SACS: variants seen among roughly 807,000 people sequenced by gnomAD.
The protein encoded by SACS is sacsin molecular chaperone, also known as sacsin.
Under a neutral mutation model 348.0 loss-of-function variants are expected in SACS, and 197 were observed. The ratio of observed to expected loss-of-function variants is 0.57; its 90% CI spans 0.50 to 0.64. The LOEUF (loss-of-function observed/expected upper bound fraction) is 0.64. SACS is among the 30% of genes least tolerant of loss of function. SACS has a pLI of 0.00. For missense variants in SACS, 4,999 were observed against 5,360.8 expected, an observed-to-expected ratio of 0.93 and a Z score of 2.11; for synonymous variants, 1,985 against 1,910.6, an observed-to-expected ratio of 1.04 and a Z score of -1.02.
intron 9 of SACS, 70 bp from the exon 10 acceptor site, chr13:23,341,760 T>C: frequency 1.3e-6 from 1 of 776,830 alleles, no homozygotes; most frequent in South Asian, 1.4e-5. Flanking sequence ...TTCTCACAAA[T>C]AACACAGTAC....
At chr13:23,356,806 ACTC>A (rs1870419494) in intron 7 of SACS, among the ~76,000 whole-genome samples, 1 of 152,044 alleles carries the variant, frequency 6.6e-6, no homozygotes, top group Admixed American at 6.6e-5. Context: ...GCAAGATGCA[ACTC>A]CAGTGAAGTC....
chr13:23,331,950 T>C lies in SACS; in HGVS notation c.11926A>G (p.Ser3976Gly). Residue 3976 changes from serine to glycine, a missense_variant, in exon 10 of 10, where the codon AGT becomes GGT. Around this residue, in one of 6 missense-constraint regions of SACS, gnomAD observed 831 missense variants for 941.8 expected, o/e 0.88. Coordinates refer to ENST00000382292, the MANE Select transcript of SACS (RefSeq NM_014363.6). ...TCATCTAATTGTTCTTCAAGTATACTGCTCAATAATCGAGGTCTAAGTTTT... is the reference window on the plus strand; with the variant it reads ...TCATCTAATTGTTCTTCAAGTATACCGCTCAATAATCGAGGTCTAAGTTTT... ...PQKLRPRLLSSILEEQLDEET... is the reference protein window; with the variant it reads ...PQKLRPRLLSGILEEQLDEET... 1 of 1,614,128 alleles carries C rather than the reference T, an allele frequency of 6.2e-7. No individual in the cohort carries two copies. Among genetic ancestry groups the C allele is most frequent in the East Asian group, 2.2e-5 (1 of 44,886 alleles).
At chr13:23,356,061 G>A in intron 7 of SACS, 54 bp from the exon 8 acceptor site, 4 of 1,382,494 alleles carry the variant, frequency 2.9e-6, no homozygotes, top group Non-Finnish European at 4.0e-6. Context: ...GGACAATTAT[G>A]ATTACAATTA....
Position 23,331,187 on chromosome 13 carries a change from C to T in SACS, c.12689G>A (p.Gly4230Asp), listed in dbSNP as rs777108506. 1 of 1,613,586 alleles carries T rather than the reference C, an allele frequency of 6.2e-7. No individual in the cohort carries two copies. Among genetic ancestry groups the T allele is most frequent in the East Asian group, 2.2e-5 (1 of 44,886 alleles). Residue 4230 changes from glycine (G) to aspartate (D), a missense_variant, in exon 10 of 10, where the codon GGT becomes GAT. Coordinates refer to ENST00000382292, the MANE Select transcript of SACS (RefSeq NM_014363.6). Reference protein sequence around the residue: ...FLGKIYQIDIGYSEYKIVSSL... With the variant: ...FLGKIYQIDIDYSEYKIVSSL... ...GCTAACTATTTTATATTCACTATAA[C>T]CAATATCTATCTGATATATCTTTCC... is the stretch of plus-strand genomic sequence containing the variant.
At chr13:23,407,344 G>T (rs1423042663) in intron 2 of SACS, among the ~76,000 whole-genome samples, 1 of 152,078 alleles carries the variant, frequency 6.6e-6, no homozygotes, top group Non-Finnish European at 1.5e-5. Context: ...GACTACAGGC[G>T]CCTGCCACCA....
chr13:23,364,794 TA>T (rs1870962673), intron 6 of SACS, among the ~76,000 whole-genome samples: 1 of 152,216 alleles, frequency 6.6e-6, no homozygotes, highest in Non-Finnish European at 1.5e-5. Flanking sequence ...AGGGTACTCC[TA>T]AAGCGGAAAA....
chr13:23,341,261 A>G lies in SACS; in HGVS notation c.2615T>C (p.Leu872Ser), dbSNP rs780692239. 6.2e-7 allele frequency: 1 copy of G among 1,613,756 alleles called. No individual in the cohort carries two copies. The highest frequency in any genetic ancestry group is 1.1e-5 in the South Asian group (1 of 91,040). ...PLIKKYIHSPLPSAVLQIMEK... is the reference protein window; with the variant it reads ...PLIKKYIHSPSPSAVLQIMEK... ...CATTATCTGCAAAACAGCACTTGGTAATGGTGAATGAATATATTTTTTAAT... is the reference window on the plus strand; with the variant it reads ...CATTATCTGCAAAACAGCACTTGGTGATGGTGAATGAATATATTTTTTAAT... The change falls in exon 10 of 10, where the codon TTA becomes TCA. Residue 872 changes from leucine (L) to serine (S), a missense_variant. Physicochemically the swap from Leu to Ser is moderately radical, Grantham distance 145. Around this residue, in one of 6 missense-constraint regions of SACS, gnomAD observed 3,156 missense variants for 3,380.1 expected, o/e 0.93. Coordinates refer to ENST00000382292, the MANE Select transcript of SACS (RefSeq NM_014363.6).
Position 23,330,908 on chromosome 13 carries a change from G to A in SACS, c.12968C>T (p.Ser4323Leu), listed in dbSNP as rs150225486. The A allele has an allele frequency of 3.3e-5, 54 of 1,613,924 alleles. No homozygotes were observed. The highest frequency in any genetic ancestry group is 3.3e-4 in the Middle Eastern group (2 of 6,062). ...CCGCCTAATAATCTTTTTTCGTTCC[G>A]ATTCTGGAAGCTTCCATGCTTGCTC... is the stretch of plus-strand genomic sequence containing the variant. Reference protein sequence around the residue: ...VVEQAWKLPESERKKIIRRLY... With the variant: ...VVEQAWKLPELERKKIIRRLY... The change falls in exon 10 of 10, where the codon TCG becomes TTG. Residue 4323 changes from serine (S) to leucine (L), a missense_variant. Ser to Leu is a moderately radical substitution (Grantham distance 145). Transcript: ENST00000382292.
At chr13:23,369,317 A>G (rs576553673) in intron 4 of SACS, among the ~76,000 whole-genome samples, 1 of 152,278 alleles carries the variant, frequency 6.6e-6, no homozygotes, top group South Asian at 2.1e-4. Context: ...TCTTAGACCA[A>G]CTGACCAGGT....
In SACS at chr13:23,355,401, C is replaced by A; in HGVS notation, c.1211G>T (p.Ser404Ile). 6.2e-7 allele frequency: 1 copy of A among 1,614,180 alleles called. No homozygotes were observed. Among genetic ancestry groups the A allele is most frequent in the Non-Finnish European group, 8.5e-7 (1 of 1,180,040 alleles). Residue 404 changes from serine (S) to isoleucine (I), a missense_variant, in exon 8 of 10, where the codon AGT (serine) becomes ATT (isoleucine). This residue lies in a region of SACS where 3,156 missense variants were observed against 3,380.1 expected (regional missense o/e 0.93). Transcript: ENST00000382292. ...ATCAGCTAAAGAGTCAAGCTTACTA[C>A]TGATCCCTCGCCCACCCACACTGTT... ...VCNSVGGRGISSKLDSLADEL... is the reference protein window; with the variant it reads ...VCNSVGGRGIISKLDSLADEL...
chr13:23,422,138 A>G (rs976748019), intron 1 of SACS, among the ~76,000 whole-genome samples: 5 of 152,346 alleles, frequency 3.3e-5, no homozygotes, highest in African/African-American at 1.2e-4. Context: ...GAGCTTTGTG[A>G]TGTACCTTAT....
Position 23,334,078 on chromosome 13 carries a change from TG to T in SACS, c.9797del (p.Pro3266GlnfsTer10). The T allele has an allele frequency of 6.2e-7, 1 of 1,613,752 alleles. No homozygotes were observed. On this transcript the variant is annotated frameshift_variant, in exon 10 of 10. Transcript: ENST00000382292. LOFTEE classifies it high-confidence loss of function. ...GAGTATCAACAACAATGTCAAATGT[TG>T]GTTTTGTTTCTTCCTGATCTTCTTT... Reference protein sequence around the residue: ...SVKEDQEETKPTFDIVVDTLK... With the variant: ...SVKEDQEETKXTFDIVVDTLK...
chr13:23,422,202 A>T (rs1335577017), intron 1 of SACS, among the ~76,000 whole-genome samples: 2 of 152,084 alleles, frequency 1.3e-5, no homozygotes, highest in Non-Finnish European at 2.9e-5. Context: ...AACACATTTT[A>T]TAGAATCTAA....
chr13:23,404,845 C>G (rs1462886931), intron 2 of SACS, among the ~76,000 whole-genome samples: 1 of 152,116 alleles, frequency 6.6e-6, no homozygotes, highest in Non-Finnish European at 1.5e-5. Flanking sequence ...AAGAATACAC[C>G]TTACATGGGA....
intron 9 of SACS, among the ~76,000 whole-genome samples, chr13:23,347,991 T>C (rs1315168336): frequency 1.3e-5 from 2 of 152,218 alleles, no homozygotes; most frequent in Non-Finnish European, 2.9e-5. Flanking sequence ...TGGTCTCATC[T>C]AATAAATAAG....
intron 9 of SACS, among the ~76,000 whole-genome samples, chr13:23,353,195 A>C (rs1363786463): frequency 1.3e-5 from 2 of 152,200 alleles, no homozygotes; most frequent in Admixed American, 1.3e-4. Context: ...TCAGACACCC[A>C]TCACTTTAAG....
At position 23,333,918 on chromosome 13, in the gene SACS, C is replaced by CT. The variant is rs772704931; in HGVS notation, c.9957dup (p.Val3320SerfsTer56). 2 of 1,613,674 alleles carry CT rather than the reference C, an allele frequency of 1.2e-6. No homozygotes were observed. The highest frequency in any genetic ancestry group is 1.7e-6 in the Non-Finnish European group (2 of 1,179,810). ...CCAGCTTTCATTAGAGCATGAAAAA[C>CT]TTTATCACTCTGGGCATTTGGAAAA... is the stretch of plus-strand genomic sequence containing the variant. On this transcript the variant is annotated frameshift_variant, in exon 10 of 10. Transcript: ENST00000382292. LOFTEE classifies it high-confidence loss of function.
intron 1 of SACS, among the ~76,000 whole-genome samples, chr13:23,414,693 A>G (rs1329348502): frequency 6.6e-6 from 1 of 152,226 alleles, no homozygotes; most frequent in African/African-American, 2.4e-5. Context: ...TGATACATTT[A>G]TTACAAAAAT....
At position 23,340,572 on chromosome 13, in the gene SACS, C is replaced by A; in HGVS notation, c.3304G>T (p.Asp1102Tyr). Residue 1102 changes from aspartate to tyrosine, a missense_variant, in exon 10 of 10, where the codon GAT (aspartate) becomes TAT (tyrosine). Physicochemically the swap from Asp to Tyr is radical, Grantham distance 160. Transcript: ENST00000382292. ...ATTTTTTTTGCCACTTGCACAACAT[C>A]CTTTTCTTTGAGACTGGCTTCGTTT... ...LKNEASLKEK[D>Y]VVQVAKKIEA... 1 of 1,613,698 alleles carries A rather than the reference C, an allele frequency of 6.2e-7. No homozygotes were observed. The highest frequency in any genetic ancestry group is 8.5e-7 in the Non-Finnish European group (1 of 1,179,912).
Sources: allele counts gnomAD v4.1 joint callset (sites outside exome capture counted in the v4.1 genomes callset), GRCh38; gene constraint gnomAD v4.1.1; regional missense constraint gnomAD v4.1.1; transcripts MANE v1.5; gene names NCBI Gene and HGNC (gene_info 2026-07-23, HGNC 2026-07-21).